Variants in SGCZ observed in about 807,000 individuals in gnomAD.
SGCZ encodes zeta-sarcoglycan.
A neutral mutation model predicts 41.3 loss-of-function variants in SGCZ; 40 were observed. The observed-to-expected ratio is 0.97, with a 90% CI of 0.75 to 1.26. The LOEUF (loss-of-function observed/expected upper bound fraction) is 1.26, where lower values mean the gene tolerates loss of function less well. Ranked by LOEUF, SGCZ falls within the 50% of genes most tolerant of loss-of-function variation. SGCZ has a pLI of 0.00. For synonymous variants in SGCZ, 206 were observed against 137.5 expected (o/e 1.50, Z -3.49); for missense variants, 552 against 369.8 (o/e 1.49, Z -4.04).
chr8:14,869,528 C>A (rs982442051), intron 1 of SGCZ, among the ~76,000 whole-genome samples: 4 of 152,136 alleles, frequency 2.6e-5, no homozygotes, highest in Admixed American at 2.6e-4. Context: ...AAAACTGACA[C>A]AAGACAAGGA....
rs757193861 is a variant in SGCZ at position 14,626,438 on chromosome 8, T to A, written c.40-71512A>T. 1.1e-3 allele frequency among the ~76,000 whole-genome samples: 164 copies of A among 152,268 alleles called. 1 individual carries two copies. The highest frequency in any genetic ancestry group is 2.1e-3 in the Non-Finnish European group (145 of 68,036). On this transcript the variant is annotated intron_variant, in intron 1 of 7. Coordinates refer to ENST00000382080, the MANE Select transcript of SGCZ (RefSeq NM_139167.4). Reference sequence around the variant, plus strand: ...CTGGCCTTAGGTTTAATATTTGTTCTTTGAACAAATATTTGAACTTTGTCT... The same window carrying A: ...CTGGCCTTAGGTTTAATATTTGTTCATTGAACAAATATTTGAACTTTGTCT...
At chr8:15,191,461 A>T (rs1198114613) in intron 1 of SGCZ, among the ~76,000 whole-genome samples, 3 of 152,106 alleles carry the variant, frequency 2.0e-5, no homozygotes, top group Non-Finnish European at 4.4e-5. Context: ...AATAGTATTT[A>T]ACCCTGAAAA....
chr8:14,197,559 CAAAT>C (rs984052180), intron 4 of SGCZ, among the ~76,000 whole-genome samples: 1 of 151,094 alleles, frequency 6.6e-6, no homozygotes, highest in African/African-American at 2.4e-5. Flanking sequence ...TAAAAAAAAA[CAAAT>C]AATTATCTTA....
At chr8:14,629,621 C>A (rs1364517679) in intron 1 of SGCZ, among the ~76,000 whole-genome samples, 1 of 152,066 alleles carries the variant, frequency 6.6e-6, no homozygotes. Context: ...TGTATGCATG[C>A]AAATGAAAGA....
chr8:14,886,030 T>TATATATATAC lies in SGCZ; in HGVS notation c.40-331105_40-331104insGTATATATAT, dbSNP rs1554517469. Among the ~76,000 whole-genome samples, 52 of 98,934 alleles carry TATATATATAC rather than the reference T, an allele frequency of 5.3e-4. 1 individual carries two copies. The highest frequency in any genetic ancestry group is 8.7e-4 in the East Asian group (3 of 3,450). 64.9% of individuals were successfully genotyped at this position (98,934 alleles called of 152,430 possible). A position where few individuals can be genotyped will look rare whatever the true frequency, so the allele number is the denominator to read the frequency against. On this transcript the variant is annotated intron_variant, in intron 1 of 7. Coordinates refer to ENST00000382080, the MANE Select transcript of SGCZ (RefSeq NM_139167.4). Reference sequence around the variant, plus strand: ...ATATATATATATATATATATATATATATATAAAATTGTATACTTAGCTTTT... The same window carrying TATATATATAC: ...ATATATATATATATATATATATATATATATATATACATATAAAATTGTATACTTAGCTTTT...
At chr8:14,657,652 A>C (rs1424837334) in intron 1 of SGCZ, among the ~76,000 whole-genome samples, 3 of 151,584 alleles carry the variant, frequency 2.0e-5, no homozygotes, top group East Asian at 1.9e-4. Flanking sequence ...CAGATAGTGA[A>C]AACAAAACCA....
At chr8:14,689,697 G>A (rs1808735526) in intron 1 of SGCZ, among the ~76,000 whole-genome samples, 1 of 152,160 alleles carries the variant, frequency 6.6e-6, no homozygotes, top group African/African-American at 2.4e-5. Flanking sequence ...ACTATCTACA[G>A]CTGCACCTGC....
At chr8:14,546,263 A>G (rs1803623694) in intron 2 of SGCZ, among the ~76,000 whole-genome samples, 1 of 152,124 alleles carries the variant, frequency 6.6e-6, no homozygotes, top group Admixed American at 6.6e-5. Context: ...TCTCATCTCC[A>G]GGGCAAGTGC....
At chr8:15,108,750 T>G (rs573160964) in intron 1 of SGCZ, among the ~76,000 whole-genome samples, 100 of 152,282 alleles carry the variant, frequency 6.6e-4, no homozygotes, top group Non-Finnish European at 1.1e-3. Context: ...ATTATTAATA[T>G]GTATTGTAAG....
chr8:15,231,960 A>T (rs535581472), intron 1 of SGCZ, among the ~76,000 whole-genome samples: 1 of 152,310 alleles, frequency 6.6e-6, no homozygotes, highest in African/African-American at 2.4e-5. Context: ...GCTTACTTCT[A>T]GTCACAGAGA....
chr8:15,165,250 G>A (rs1799629609), intron 1 of SGCZ, among the ~76,000 whole-genome samples: 1 of 152,090 alleles, frequency 6.6e-6, no homozygotes, highest in Non-Finnish European at 1.5e-5. Context: ...TCACGCCACT[G>A]CTGCACTCCA....
intron 4 of SGCZ, among the ~76,000 whole-genome samples, chr8:14,214,474 C>A (rs556730416): frequency 6.6e-6 from 1 of 151,998 alleles, no homozygotes; most frequent in Non-Finnish European, 1.5e-5. Flanking sequence ...ATGTACCACA[C>A]CAATATAAAA....
intron 2 of SGCZ, among the ~76,000 whole-genome samples, chr8:14,344,953 T>C (rs765138398): frequency 1.8e-4 from 28 of 152,044 alleles, no homozygotes; most frequent in Non-Finnish European, 2.4e-4. Flanking sequence ...TAGGGCAAAA[T>C]TTTGACAGTA....
At chr8:15,030,645 G>A (rs899667273) in intron 1 of SGCZ, among the ~76,000 whole-genome samples, 2 of 152,280 alleles carry the variant, frequency 1.3e-5, no homozygotes, top group African/African-American at 4.8e-5. Flanking sequence ...GCGCACAAGG[G>A]ATGATTCCAG....
chr8:14,578,686 ATTAC>A (rs993214032), intron 1 of SGCZ, among the ~76,000 whole-genome samples: 3 of 152,212 alleles, frequency 2.0e-5, no homozygotes, highest in Admixed American at 6.5e-5. Context: ...AATAAGGGAT[ATTAC>A]TTGTAATTTC....
chr8:14,799,256 C>T (rs1801236715), intron 1 of SGCZ, among the ~76,000 whole-genome samples: 1 of 152,068 alleles, frequency 6.6e-6, no homozygotes, highest in South Asian at 2.1e-4. Context: ...ACGAGATGAC[C>T]TTTAGTGATA....
intron 1 of SGCZ, among the ~76,000 whole-genome samples, chr8:14,624,131 A>G (rs894927125): frequency 1.3e-5 from 2 of 152,166 alleles, no homozygotes; most frequent in Non-Finnish European, 2.9e-5. Flanking sequence ...AGATTCAACA[A>G]GTTTAATATA....
chr8:14,297,433 T>C (rs1357097429), intron 3 of SGCZ, among the ~76,000 whole-genome samples: 1 of 150,942 alleles, frequency 6.6e-6, no homozygotes, highest in Non-Finnish European at 1.5e-5. Context: ...AAAGACATAA[T>C]TAAAAAAAGG....
intron 1 of SGCZ, among the ~76,000 whole-genome samples, chr8:14,671,884 A>G (rs1808114904): frequency 6.6e-6 from 1 of 152,172 alleles, no homozygotes. Context: ...TCTTCCCAAC[A>G]TAAACATACT....
Sources: gnomAD v4.1 joint callset for allele counts (sites outside exome capture counted in the v4.1 genomes callset) on GRCh38, gnomAD v4.1.1 for gene constraint, MANE v1.5 for transcripts, NCBI Gene and HGNC (gene_info 2026-07-23, HGNC 2026-07-21) for gene names.